The following RBFOX1 variants were observed in gnomAD, a reference collection of about 807,000 sequenced individuals.
RBFOX1 encodes the protein RNA binding protein fox-1 homolog 1.
In RBFOX1, 8 loss-of-function variants were observed where a neutral mutation model predicts 57.7. That is an observed-to-expected ratio of 0.14 (90% CI 0.08 to 0.25). RBFOX1 has a LOEUF of 0.25. RBFOX1 is among the 10% of genes least tolerant of loss of function. The pLI, the probability that RBFOX1 is intolerant of heterozygous loss-of-function variation, is 1.00. For missense variants in RBFOX1, 611 were observed against 548.5 expected (o/e 1.11, Z -1.14); for synonymous variants, 326 against 222.4 (o/e 1.47, Z -4.15).
At chr16:6,942,817 A>G (rs2078787237) in intron 3 of RBFOX1, among the ~76,000 whole-genome samples, 1 of 152,204 alleles carries the variant, frequency 6.6e-6, no homozygotes, top group African/African-American at 2.4e-5. Context: ...CTCAGAAAAG[A>G]TGGCTGACCC....
intron 1 of RBFOX1, among the ~76,000 whole-genome samples, chr16:5,459,190 A>C (rs2068717410): frequency 6.6e-6 from 1 of 152,182 alleles, no homozygotes; most frequent in Non-Finnish European, 1.5e-5. Flanking sequence ...TGATCTCCAC[A>C]TGTGGACATG....
intron 1 of RBFOX1, among the ~76,000 whole-genome samples, chr16:5,367,968 A>C (rs560165313): frequency 6.6e-6 from 1 of 152,330 alleles, no homozygotes; most frequent in East Asian, 1.9e-4. Context: ...CCCGTTCCTT[A>C]TTCCAATGAG....
chr16:7,197,188 A>C (rs1425593549), intron 4 of RBFOX1, among the ~76,000 whole-genome samples: 3 of 152,130 alleles, frequency 2.0e-5, no homozygotes, highest in Non-Finnish European at 4.4e-5. Flanking sequence ...GAAACTAAGT[A>C]CAGATGTGGC....
intron 4 of RBFOX1, among the ~76,000 whole-genome samples, chr16:7,340,796 T>A (rs2096876734): frequency 6.6e-6 from 1 of 152,232 alleles, no homozygotes; most frequent in African/African-American, 2.4e-5. Context: ...AAATTCACTT[T>A]TTTAAATTAA....
At chr16:5,388,813 A>C (rs931492750) in intron 1 of RBFOX1, among the ~76,000 whole-genome samples, 2 of 151,662 alleles carry the variant, frequency 1.3e-5, no homozygotes, top group African/African-American at 4.8e-5. Flanking sequence ...CTGACCTCAG[A>C]TGATCCACCC....
intron 4 of RBFOX1, among the ~76,000 whole-genome samples, chr16:7,261,580 A>G (rs1040984925): frequency 3.3e-5 from 5 of 152,202 alleles, no homozygotes; most frequent in African/African-American, 1.2e-4. Flanking sequence ...ACCGTGCTTT[A>G]AAGACTTCCC....
intron 3 of RBFOX1, among the ~76,000 whole-genome samples, chr16:5,688,926 G>A (rs1567400010): frequency 6.6e-6 from 1 of 152,062 alleles, no homozygotes; most frequent in South Asian, 2.1e-4. Flanking sequence ...TTAACTATGG[G>A]GAATGTGGCC....
intron 3 of RBFOX1, among the ~76,000 whole-genome samples, chr16:6,891,901 C>A (rs910207669): frequency 1.3e-5 from 2 of 152,146 alleles, no homozygotes; most frequent in Non-Finnish European, 2.9e-5. Flanking sequence ...CCTGCTCATT[C>A]TTTTCTTCCC....
intron 1 of RBFOX1, among the ~76,000 whole-genome samples, chr16:6,094,124 A>G (rs751862550): frequency 2.0e-5 from 3 of 152,162 alleles, no homozygotes; most frequent in Non-Finnish European, 4.4e-5. Flanking sequence ...CTACTGTGAA[A>G]TAGATTTCCA....
chr16:6,999,536 T>C (rs913153391), intron 3 of RBFOX1, among the ~76,000 whole-genome samples: 2 of 151,890 alleles, frequency 1.3e-5, no homozygotes, highest in African/African-American at 4.8e-5. Flanking sequence ...TATGAAAAAT[T>C]TCAAAAAAAC....
At chr16:6,808,160 A>C (rs62016141) in intron 3 of RBFOX1, among the ~76,000 whole-genome samples, 1 of 140,098 alleles carries the variant, frequency 7.1e-6, no homozygotes, top group African/African-American at 2.7e-5. Context: ...TACCTTATAT[A>C]TGTGTGTGTG....
At chr16:6,849,277 C>A (rs1417929808) in intron 3 of RBFOX1, among the ~76,000 whole-genome samples, 1 of 152,168 alleles carries the variant, frequency 6.6e-6, no homozygotes, top group Non-Finnish European at 1.5e-5. Flanking sequence ...AAAGTTAGCT[C>A]CTGCAATATT....
intron 1 of RBFOX1, among the ~76,000 whole-genome samples, chr16:6,194,090 G>T (rs974703691): frequency 6.6e-6 from 1 of 152,100 alleles, no homozygotes; most frequent in Non-Finnish European, 1.5e-5. Flanking sequence ...CTAAGTAAGT[G>T]GAATTCCACA....
At chr16:6,400,228 A>G (rs1435403118) in intron 2 of RBFOX1, among the ~76,000 whole-genome samples, 3 of 151,884 alleles carry the variant, frequency 2.0e-5, no homozygotes. Context: ...ATGCATTTAA[A>G]TTTTTGAAAT....
chr16:7,370,815 T>C (rs2147285777), intron 4 of RBFOX1, among the ~76,000 whole-genome samples: 1 of 152,360 alleles, frequency 6.6e-6, no homozygotes, highest in African/African-American at 2.4e-5. Flanking sequence ...GCAGGACTGT[T>C]GTCCACAATT....
At chr16:7,572,093 C>T (rs1032787691) in intron 5 of RBFOX1, among the ~76,000 whole-genome samples, 14 of 152,172 alleles carry the variant, frequency 9.2e-5, no homozygotes, top group African/African-American at 3.4e-4. Context: ...CACCATTGCA[C>T]TCCAGCCTGG....
intron 3 of RBFOX1, among the ~76,000 whole-genome samples, chr16:6,781,473 A>G (rs975813275): frequency 3.9e-5 from 6 of 152,040 alleles, no homozygotes; most frequent in Non-Finnish European, 8.8e-5. Flanking sequence ...CTACTCCTTG[A>G]TTTTTTAGAA....
At chr16:7,089,051 G>T (rs545575279) in intron 4 of RBFOX1, among the ~76,000 whole-genome samples, 1 of 152,088 alleles carries the variant, frequency 6.6e-6, no homozygotes, top group African/African-American at 2.4e-5. Context: ...GGTCTGCCTT[G>T]CCCCTCAGTG....
chr16:6,530,817 C>T (rs765557973), intron 2 of RBFOX1, among the ~76,000 whole-genome samples: 27 of 151,988 alleles, frequency 1.8e-4, no homozygotes, highest in Non-Finnish European at 3.1e-4. Context: ...ACACCTGCCC[C>T]CATGATTCAA....
Sources: gnomAD v4.1 joint callset for allele counts (sites outside exome capture counted in the v4.1 genomes callset) on GRCh38, gnomAD v4.1.1 for gene constraint, MANE v1.5 for transcripts, NCBI Gene and HGNC (gene_info 2026-07-23, HGNC 2026-07-21) for gene names.